Variants in AMOT observed in about 807,000 individuals in gnomAD.
The protein encoded by AMOT is angiomotin.
Under a neutral mutation model 67.0 loss-of-function variants are expected in AMOT, and 11 were observed. The ratio of observed to expected loss-of-function variants is 0.16; its 90% CI spans 0.10 to 0.27. The LOEUF is 0.27. AMOT is among the 10% of genes least tolerant of loss of function. The pLI is 1.00. For missense variants in AMOT, 753 were observed against 852.0 expected (o/e 0.88, Z 1.45); for synonymous variants, 326 against 321.4 (o/e 1.01, Z -0.15).
At chrX:112,811,985 A>C (rs960252403) in intron 5 of AMOT, among the ~76,000 whole-genome samples, 1 of 112,196 alleles carries the variant, frequency 8.9e-6, no homozygotes, top group Admixed American at 9.5e-5. Flanking sequence ...TTAAAGTACT[A>C]TTGGGGGTGT....
At chrX:112,809,638 G>GCAGACTTACTTTTTGCAAAGAGCTGC (rs1934293853) in intron 7 of AMOT, among the ~76,000 whole-genome samples, 4 of 111,313 alleles carry the variant, frequency 3.6e-5, no homozygotes, top group African/African-American at 1.3e-4. Flanking sequence ...ACACTAGCAG[G>GCAGACTTACTTTTTGCAAAGAGCTGC]GATTTCAAGG....
intron 2 of AMOT, among the ~76,000 whole-genome samples, chrX:112,827,419 C>A (rs1226353513): frequency 8.9e-6 from 1 of 112,255 alleles, no homozygotes; most frequent in Non-Finnish European, 1.9e-5. Context: ...TTGTTTCATG[C>A]ACAAGAACTA....
chrX:112,804,898 T>TAACAC, intron 8 of AMOT, 49 bp downstream of exon 8: 1 of 837,586 alleles, frequency 1.2e-6, no homozygotes. Flanking sequence ...GTCCCCGATT[T>TAACAC]CCCAGCCCTC....
At chrX:112,814,139 A>G (rs1395499045) in intron 5 of AMOT, among the ~76,000 whole-genome samples, 1 of 110,706 alleles carries the variant, frequency 9.0e-6, no homozygotes, top group African/African-American at 3.3e-5. Context: ...AGGCGTGGTG[A>G]CACATGCCTG....
chrX:112,799,211 T>C (rs1168858263), intron 8 of AMOT, among the ~76,000 whole-genome samples: 1 of 112,349 alleles, frequency 8.9e-6, no homozygotes, highest in Admixed American at 9.4e-5. Context: ...TTTAATTTCT[T>C]AATCTGTCAA....
rs752438261 is a variant in AMOT, at chrX:112,815,610, T to TTGC, written c.1137_1139dup (p.Gln384dup). ...GGTGATGATGGTGCTGCTGCTGCTG[T>TTGC]TGCTGCTGCTGCTGACTCAGGCCAG... On this transcript the variant is annotated inframe_insertion, in exon 5 of 14. Transcript: ENST00000371959. The TTGC allele has an allele frequency of 5.8e-6, 7 of 1,203,758 alleles. No homozygotes were observed. In the African/African-American group the frequency reaches 7.0e-5, roughly 12 times the overall value.
At chrX:112,814,090 T>C (rs902045656) in intron 5 of AMOT, among the ~76,000 whole-genome samples, 2 of 110,676 alleles carry the variant, frequency 1.8e-5, no homozygotes, top group Non-Finnish European at 3.8e-5. Flanking sequence ...CTGGCCAACA[T>C]GGAGAAACCC....
chrX:112,791,643 G>A (rs1336660015), intron 9 of AMOT, among the ~76,000 whole-genome samples, 189 bp downstream of exon 9: 1 of 112,377 alleles, frequency 8.9e-6, no homozygotes, highest in African/African-American at 3.2e-5. Context: ...GGGATAGGAA[G>A]CTAAGGAAAC....
At chrX:112,839,606 C>G (rs890576244) in intron 1 of AMOT, among the ~76,000 whole-genome samples, 1 of 111,688 alleles carries the variant, frequency 9.0e-6, no homozygotes. Flanking sequence ...TTCTCACCAA[C>G]TTTCTCTTTC....
chrX:112,803,081 T>A (rs1411591862), intron 8 of AMOT, among the ~76,000 whole-genome samples: 1 of 111,575 alleles, frequency 9.0e-6, no homozygotes, highest in Non-Finnish European at 1.9e-5. Flanking sequence ...AAGTTTCTCA[T>A]AGTCTTTTGA....
At chrX:112,794,150 C>T (rs1162690077) in intron 8 of AMOT, among the ~76,000 whole-genome samples, 2 of 111,940 alleles carry the variant, frequency 1.8e-5, no homozygotes, top group Non-Finnish European at 3.8e-5. Context: ...TGGTAAACTA[C>T]TGCAATGCAA....
Position 112,840,324 on chromosome X carries a change from A to T in AMOT, c.-289+128T>A, listed in dbSNP as rs759906482. 3 of 112,383 alleles carry T rather than the reference A, an allele frequency of 2.7e-5. No individual in the cohort carries two copies. In the South Asian group the frequency reaches 1.1e-3, roughly 42 times the overall value. The allele number at this position is 112,383 out of a possible 1,213,427, so 9.3% of individuals were successfully genotyped here. ...AAAAAACTCATGGCGAGCTGCAAAGAAAGTAGAACACACGGGCATTCCCAC... is the reference window on the plus strand; with the variant it reads ...AAAAAACTCATGGCGAGCTGCAAAGTAAGTAGAACACACGGGCATTCCCAC... On this transcript the variant is annotated intron_variant, in intron 1 of 13. Coordinates refer to ENST00000371959, the MANE Select transcript of AMOT (RefSeq NM_001113490.2).
At chrX:112,797,606 C>T (rs745693107) in intron 8 of AMOT, among the ~76,000 whole-genome samples, 4 of 111,496 alleles carry the variant, frequency 3.6e-5, no homozygotes, top group Admixed American at 9.5e-5. Flanking sequence ...CATGGTGAAA[C>T]GCCGTCTCTA....
At chrX:112,827,059 T>C (rs1934861029) in intron 2 of AMOT, among the ~76,000 whole-genome samples, 1 of 112,431 alleles carries the variant, frequency 8.9e-6, no homozygotes, top group African/African-American at 3.2e-5. Flanking sequence ...GGTTTTGCCA[T>C]GTTGGCCAGG....
rs1237988607 is a variant in AMOT, at chrX:112,822,838, A to G, written c.289T>C (p.Ser97Pro). The change falls in exon 4 of 14, where the codon TCT (serine) becomes CCT (proline). Residue 97 changes from serine to proline, a missense_variant. By Grantham distance (74) the Ser-to-Pro change is moderately conservative. Around this residue, in one of 5 missense-constraint regions of AMOT, gnomAD observed 118 missense variants for 125.9 expected, o/e 0.94. Coordinates refer to ENST00000371959, the MANE Select transcript of AMOT (RefSeq NM_001113490.2). ...TCTTCATTATTTTGCATTCGAGGAG[A>G]CAGCTGCTTCTCCATGATGAGGTTT... ...SENLIMEKQL[S>P]PRMQNNEELP... 8 of 1,164,898 alleles carry G rather than the reference A, an allele frequency of 6.9e-6. No individual in the cohort carries two copies. The highest frequency in any genetic ancestry group is 9.2e-6 in the Non-Finnish European group (8 of 872,537).
intron 8 of AMOT, among the ~76,000 whole-genome samples, chrX:112,804,480 T>C (rs1934107143): frequency 1.8e-5 from 2 of 111,975 alleles, no homozygotes; most frequent in South Asian, 7.4e-4. Context: ...GCTGTTCAGA[T>C]TTCAAAATCC....
Position 112,784,363 on chromosome X carries a change from G to A in AMOT, c.2118-1701C>T, listed in dbSNP as rs369495600. Among the ~76,000 whole-genome samples the A allele has an allele frequency of 4.4e-5, 5 of 112,488 alleles. No homozygotes were observed. The East Asian group carries it at 1.1e-3, about 25-fold the overall frequency. ...CTAAGCATGCCGCTTCATATGCCAA[G>A]TGGGAACAATATTTGTAACTTCATC... is the stretch of plus-strand genomic sequence containing the variant. On this transcript the variant is annotated intron_variant, in intron 10 of 13. Transcript: ENST00000371959.
rs1236156304 is a variant in AMOT at position 112,779,027 on chromosome X, G to C, written c.3127C>G (p.Pro1043Ala). Residue 1043 changes from proline to alanine, a missense_variant, in exon 13 of 14, where the codon CCA becomes GCA. Pro to Ala is a conservative substitution (Grantham distance 27). This residue lies in a region of AMOT where 269 missense variants were observed against 300.9 expected (regional missense o/e 0.89). Coordinates refer to ENST00000371959, the MANE Select transcript of AMOT (RefSeq NM_001113490.2). The part of the protein sequence containing the change: ...TGPGPHRLSI[P>A]SLTCNPDKTD... ...TTGTCTGGATTGCAGGTCAAACTTGGTATAGACAAACGATGTGGTCCAGGA... is the reference window on the plus strand; with the variant it reads ...TTGTCTGGATTGCAGGTCAAACTTGCTATAGACAAACGATGTGGTCCAGGA... 2.5e-6 allele frequency: 3 copies of C among 1,211,559 alleles called. No individual in the cohort carries two copies. Among genetic ancestry groups the C allele is most frequent in the Non-Finnish European group, 3.4e-6 (3 of 895,359 alleles).
chrX:112,790,508 T>C, intron 10 of AMOT, 84 bp downstream of exon 10: 1 of 1,023,239 alleles, frequency 9.8e-7, no homozygotes, highest in Non-Finnish European at 1.3e-6. Flanking sequence ...CCCAGAATAT[T>C]AAAGAAAATA....
Sources: allele counts gnomAD v4.1 joint callset (sites outside exome capture counted in the v4.1 genomes callset), GRCh38; gene constraint gnomAD v4.1.1; regional missense constraint gnomAD v4.1.1; transcripts MANE v1.5; gene names NCBI Gene and HGNC (gene_info 2026-07-23, HGNC 2026-07-21).